PANK3: variants seen among roughly 807,000 people sequenced by gnomAD.
PANK3 encodes pantothenate kinase 3.
PANK3 carries 20 observed loss-of-function variants against 39.4 expected under a neutral mutation model. The ratio of observed to expected loss-of-function variants is 0.51; its 90% CI spans 0.36 to 0.74. The LOEUF is 0.74. Ranked by LOEUF, PANK3 falls within the 30% of genes least tolerant of loss-of-function variation. The pLI is 0.00. For missense variants in PANK3, 265 were observed against 437.0 expected (o/e 0.61, Z 3.51); for synonymous variants, 140 against 157.3 (o/e 0.89, Z 0.82).
At chr5:168,566,297 G>C in intron 2 of PANK3, 31 bp from the exon 3 acceptor site, 5 of 1,550,628 alleles carry the variant, frequency 3.2e-6, no homozygotes, top group Non-Finnish European at 4.4e-6. Context: ...AAACAAAAAA[G>C]GATGACATTC....
chr5:168,566,021 A>T lies in PANK3; in HGVS notation c.627T>A (p.Thr209=). Residue 209 remains threonine (T), a synonymous_variant, in exon 3 of 7, where the codon ACT becomes ACA. Coordinates refer to ENST00000239231, the MANE Select transcript of PANK3 (RefSeq NM_024594.4). ...ACCAAAAAGGTCACTACCTTGTCCC[A>T]GTCACTCGTTTATAGTTGTCTTTGG... ...VHSKDNYKRV[T]GTSLGGGTFL... 1 of 1,611,720 alleles carries T rather than the reference A, an allele frequency of 6.2e-7. No homozygotes were observed. The highest frequency in any genetic ancestry group is 1.1e-5 in the South Asian group (1 of 91,016).
chr5:168,569,561 T>C (rs1447661109), intron 1 of PANK3, among the ~76,000 whole-genome samples: 4 of 152,132 alleles, frequency 2.6e-5, no homozygotes, highest in Admixed American at 6.6e-5. Flanking sequence ...GATCTTTTAA[T>C]TCCTGGCCTG....
chr5:168,579,153 G>A (rs1249313392), intron 1 of PANK3, 103 bp downstream of exon 1: 4 of 1,103,430 alleles, frequency 3.6e-6, no homozygotes, highest in South Asian at 1.8e-5. Flanking sequence ...ACGAAGCGCC[G>A]GCGAGGAGCG....
rs920063563 is a variant in PANK3 at position 168,550,152 on chromosome 5, G to T, written c.*7419C>A. 1.3e-5 allele frequency: 2 copies of T among 152,010 alleles called. No homozygotes were observed. Among genetic ancestry groups the T allele is most frequent in the Non-Finnish European group, 1.5e-5 (1 of 68,008 alleles). The allele number at this position is 152,010 out of a possible 1,614,324, so 9.4% of individuals were successfully genotyped here. A position where few individuals can be genotyped will look rare whatever the true frequency, so the allele number is the denominator to read the frequency against. On this transcript the variant is annotated 3_prime_UTR_variant, in exon 7 of 7. Transcript: ENST00000239231. ...AATTTTGTACTCTGATATTATCCTG[G>T]GATAACGATATGTGGTACAATACTC...
In PANK3 at chr5:168,555,047, GA is replaced by G. The variant is rs1759327949; in HGVS notation, c.*2523del. On this transcript the variant is annotated 3_prime_UTR_variant, in exon 7 of 7. Transcript: ENST00000239231. ...AATAATAAGAACACAAAATCATAAT[GA>G]AGGCTGCCAAAGATTATAATTTTTT... is the stretch of plus-strand genomic sequence containing the variant. 2.0e-5 allele frequency: 3 copies of G among 152,156 alleles called. No individual in the cohort carries two copies. The highest frequency in any genetic ancestry group is 3.8e-4 in the East Asian group (2 of 5,200). The allele number at this position is 152,156 out of a possible 1,614,324, so 9.4% of individuals were successfully genotyped here. A position where few individuals can be genotyped will look rare whatever the true frequency, so the allele number is the denominator to read the frequency against.
intron 3 of PANK3, among the ~76,000 whole-genome samples, chr5:168,565,684 T>C (rs984201168): frequency 6.6e-6 from 1 of 151,556 alleles, no homozygotes; most frequent in African/African-American, 2.4e-5. Context: ...TAATAAACAT[T>C]TAATAATTTC....
chr5:168,570,588 C>T (rs578253839), intron 1 of PANK3, among the ~76,000 whole-genome samples: 2 of 152,080 alleles, frequency 1.3e-5, no homozygotes, highest in South Asian at 4.2e-4. Context: ...ATGATAAACC[C>T]TATGCCTGTG....
In PANK3 at chr5:168,550,348, A is replaced by C. The variant is rs1457252540; in HGVS notation, c.*7223T>G. On this transcript the variant is annotated 3_prime_UTR_variant, in exon 7 of 7. Transcript: ENST00000239231. ...GTATTTTCAACTTACGGTATTTTCAATTTACAATGGGTCTACTGGAACATA... is the reference window on the plus strand; with the variant it reads ...GTATTTTCAACTTACGGTATTTTCACTTTACAATGGGTCTACTGGAACATA... The C allele has an allele frequency of 6.6e-6, 1 of 152,188 alleles. No individual in the cohort carries two copies. The highest frequency in any genetic ancestry group is 1.5e-5 in the Non-Finnish European group (1 of 68,028). 9.4% of individuals were successfully genotyped at this position (152,188 alleles called of 1,614,324 possible).
intron 1 of PANK3, among the ~76,000 whole-genome samples, chr5:168,576,648 C>G (rs901164388): frequency 6.6e-6 from 1 of 152,030 alleles, no homozygotes; most frequent in Non-Finnish European, 1.5e-5. Flanking sequence ...TTTTCTAACA[C>G]TTAGGTAAAT....
In PANK3 at chr5:168,552,238, A is replaced by T. The variant is rs1759282641; in HGVS notation, c.*5333T>A. Reference sequence around the variant, plus strand: ...TTAAAGTTTCTTTTTAATCCTTAGAAATTGGCTGCTCAAAGTCCAATTTTA... The same window carrying T: ...TTAAAGTTTCTTTTTAATCCTTAGATATTGGCTGCTCAAAGTCCAATTTTA... On this transcript the variant is annotated 3_prime_UTR_variant, in exon 7 of 7. Transcript: ENST00000239231. The T allele has an allele frequency of 6.6e-6, 1 of 152,174 alleles. No individual in the cohort carries two copies. Among genetic ancestry groups the T allele is most frequent in the Non-Finnish European group, 1.5e-5 (1 of 68,032 alleles). The allele number at this position is 152,174 out of a possible 1,614,324, so 9.4% of individuals were successfully genotyped here. A position where few individuals can be genotyped will look rare whatever the true frequency, so the allele number is the denominator to read the frequency against.
chr5:168,567,130 T>C (rs894757224), intron 2 of PANK3, among the ~76,000 whole-genome samples: 4 of 152,342 alleles, frequency 2.6e-5, no homozygotes, highest in African/African-American at 9.6e-5. Flanking sequence ...CTGTTTGGAA[T>C]TTTACCAAGT....
chr5:168,552,272 G>T lies in PANK3; in HGVS notation c.*5299C>A, dbSNP rs1759283081. The T allele has an allele frequency of 6.6e-6, 1 of 152,162 alleles. No homozygotes were observed. The highest frequency in any genetic ancestry group is 2.4e-5 in the African/African-American group (1 of 41,418). 9.4% of individuals were successfully genotyped at this position (152,162 alleles called of 1,614,324 possible). ...CTCAAAGTCCAATTTTAGAAATGAA[G>T]TCAATGGAATCATGAGATCTGCTTC... On this transcript the variant is annotated 3_prime_UTR_variant, in exon 7 of 7. Coordinates refer to ENST00000239231, the MANE Select transcript of PANK3 (RefSeq NM_024594.4).
At chr5:168,562,344 A>G (rs1759460701) in intron 4 of PANK3, among the ~76,000 whole-genome samples, 1 of 152,196 alleles carries the variant, frequency 6.6e-6, no homozygotes, top group Admixed American at 6.5e-5. Flanking sequence ...AAAAAGCCAG[A>G]AAAAATGAGA....
intron 4 of PANK3, 77 bp from the exon 5 acceptor site, chr5:168,561,593 C>T: frequency 1.6e-6 from 2 of 1,225,894 alleles, no homozygotes; most frequent in Non-Finnish European, 1.1e-6. Context: ...ATATCTACAA[C>T]CTGGATATTT....
intron 4 of PANK3, among the ~76,000 whole-genome samples, chr5:168,563,069 C>T (rs1486553483): frequency 6.6e-6 from 1 of 151,644 alleles, no homozygotes; most frequent in East Asian, 1.9e-4. Flanking sequence ...TCACAAAATA[C>T]CCTAAGATAA....
chr5:168,576,749 C>T (rs1347827949), intron 1 of PANK3, among the ~76,000 whole-genome samples: 1 of 151,314 alleles, frequency 6.6e-6, no homozygotes, highest in East Asian at 1.9e-4. Flanking sequence ...AAAGAAAATG[C>T]CATACACACA....
At chr5:168,558,135 G>A (rs573425227) in intron 6 of PANK3, among the ~76,000 whole-genome samples, 1 of 148,388 alleles carries the variant, frequency 6.7e-6, no homozygotes, top group South Asian at 2.1e-4. Flanking sequence ...TGTGAGCAGT[G>A]ACAATGAGAC....
rs1317850747 is a variant in PANK3, at chr5:168,566,076, C to A, written c.572G>T (p.Gly191Val). 1 of 1,613,754 alleles carries A rather than the reference C, an allele frequency of 6.2e-7. No individual in the cohort carries two copies. The highest frequency in any genetic ancestry group is 1.7e-5 in the Admixed American group (1 of 59,970). Residue 191 changes from glycine (G) to valine (V), a missense_variant, in exon 3 of 7, where the codon GGC becomes GTC. Physicochemically the swap from Gly to Val is moderately radical, Grantham distance 109. Transcript: ENST00000239231. Reference sequence around the variant, plus strand: ...GACTGCTAAAATACTGACTCCTGAGCCAATGTTCACTACAAGCAGTGGATA... The same window carrying A: ...GACTGCTAAAATACTGACTCCTGAGACAATGTTCACTACAAGCAGTGGATA... ...DPYPLLVVNIGSGVSILAVHS... is the reference protein window; with the variant it reads ...DPYPLLVVNIVSGVSILAVHS...
intron 5 of PANK3, among the ~76,000 whole-genome samples, chr5:168,560,498 TCACC>T (rs1227291793): frequency 6.6e-6 from 1 of 152,204 alleles, no homozygotes; most frequent in Non-Finnish European, 1.5e-5. Flanking sequence ...ATAGCACTTA[TCACC>T]TAATACACAC....
Sources: gnomAD v4.1 joint callset for allele counts (sites outside exome capture counted in the v4.1 genomes callset) on GRCh38, gnomAD v4.1.1 for gene constraint, MANE v1.5 for transcripts, NCBI Gene and HGNC (gene_info 2026-07-23, HGNC 2026-07-21) for gene names.